CLVS1: variants seen among roughly 807,000 people sequenced by gnomAD.
CLVS1 encodes clavesin-1.
In CLVS1, 10 loss-of-function variants were observed where a neutral mutation model predicts 33.1. The observed-to-expected ratio is 0.30, with a 90% CI of 0.19 to 0.51. The LOEUF (loss-of-function observed/expected upper bound fraction) is 0.51. CLVS1 is among the 20% of genes least tolerant of loss of function. CLVS1 has a pLI of 0.97. For missense variants in CLVS1, 343 were observed against 433.4 expected (o/e 0.79, Z 1.85); for synonymous variants, 163 against 166.1 (o/e 0.98, Z 0.14).
intron 3 of CLVS1, among the ~76,000 whole-genome samples, chr8:61,416,951 T>G (rs570987680): frequency 2.6e-5 from 4 of 152,322 alleles, no homozygotes; most frequent in Admixed American, 6.5e-5. Context: ...AGCGTGAAGT[T>G]GATTCTTAAG....
intron 1 of CLVS1, among the ~76,000 whole-genome samples, chr8:61,098,402 GATAT>G (rs59671943): frequency 0.28 from 40,757 of 143,860 alleles, 6,292 homozygotes; most frequent in Middle Eastern, 0.45. Flanking sequence ...TAGGGAAACT[GATAT>G]ATATATATAT....
chr8:61,483,011 C>G (rs950131383), intron 5 of CLVS1, among the ~76,000 whole-genome samples: 1 of 152,092 alleles, frequency 6.6e-6, no homozygotes, highest in Non-Finnish European at 1.5e-5. Context: ...AATTGACATC[C>G]TAACATCACA....
chr8:61,316,657 C>A (rs765109037), intron 2 of CLVS1, among the ~76,000 whole-genome samples: 1 of 152,140 alleles, frequency 6.6e-6, no homozygotes, highest in Non-Finnish European at 1.5e-5. Flanking sequence ...TAGATGGAAC[C>A]ACAGTTTACA....
At chr8:61,384,867 G>GAATGGGGAGATCGGGAC (rs1351480541) in intron 3 of CLVS1, among the ~76,000 whole-genome samples, 3 of 152,130 alleles carry the variant, frequency 2.0e-5, no homozygotes, top group African/African-American at 4.8e-5. Flanking sequence ...AGAAGCTGGA[G>GAATGGGGAGATCGGGAC]AATGGGGAGA....
At chr8:61,052,789 T>C (rs1245312358), upstream of CLVS1, among the ~76,000 whole-genome samples, 2 of 152,132 alleles carry the variant, frequency 1.3e-5, no homozygotes, top group Non-Finnish European at 2.9e-5. Flanking sequence ...CTTCAGGGCT[T>C]TGACAAGAGG....
At chr8:61,059,499 T>TATATATGTATATATATATAC (rs1265187479) in intron 1 of CLVS1, among the ~76,000 whole-genome samples, 1 of 96,352 alleles carries the variant, frequency 1.0e-5, no homozygotes, top group Non-Finnish European at 2.0e-5. Flanking sequence ...TATATATATA[T>TATATATGTATATATATATAC]ACACATATCT....
intron 2 of CLVS1, among the ~76,000 whole-genome samples, chr8:61,200,824 A>AT (rs1278841077): frequency 1.3e-5 from 2 of 152,054 alleles, no homozygotes; most frequent in African/African-American, 4.8e-5. Flanking sequence ...GTGAATCTGA[A>AT]TTTTTTGGTT....
chr8:61,157,389 C>G lies in CLVS1; in HGVS notation c.-152+25529C>G, dbSNP rs550832931. On this transcript the variant is annotated intron_variant, in intron 2 of 2. Transcript: ENST00000522621. Reference sequence around the variant, plus strand: ...TTATCTAGCCATACACAAGAATCAACTGAAGATGAATCACAGACCTAAATA... The same window carrying G: ...TTATCTAGCCATACACAAGAATCAAGTGAAGATGAATCACAGACCTAAATA... Among the ~76,000 whole-genome samples the G allele has an allele frequency of 5.3e-4, 81 of 152,212 alleles. 1 individual carries two copies. The highest frequency in any genetic ancestry group is 2.9e-3 in the South Asian group (14 of 4,824).
At chr8:61,390,002 AAATGGAAG>A (rs1814240146) in intron 3 of CLVS1, among the ~76,000 whole-genome samples, 1 of 152,192 alleles carries the variant, frequency 6.6e-6, no homozygotes, top group Non-Finnish European at 1.5e-5. Flanking sequence ...AGATTTCCCA[AAATGGAAG>A]AATAATACAT....
intron 2 of CLVS1, among the ~76,000 whole-genome samples, chr8:61,267,281 T>A (rs866695693): frequency 9.9e-5 from 15 of 151,928 alleles, no homozygotes; most frequent in Admixed American, 3.9e-4. Flanking sequence ...ATTATTATTA[T>A]TTTTTAAGTT....
intron 2 of CLVS1, among the ~76,000 whole-genome samples, chr8:61,189,758 G>C (rs1451820630): frequency 6.6e-6 from 1 of 152,114 alleles, no homozygotes; most frequent in Non-Finnish European, 1.5e-5. Context: ...AATCAACAAA[G>C]ATCAAAAGAG....
the CLVS1 span, among the ~76,000 whole-genome samples, chr8:61,051,619 G>A: frequency 7.2e-3 from 1,104 of 152,370 alleles, 5 homozygotes; most frequent in South Asian, 0.017. Flanking sequence ...CCCCACATCC[G>A]CAAAGAGCTC....
At chr8:61,324,301 C>A (rs1811299393) in intron 2 of CLVS1, among the ~76,000 whole-genome samples, 1 of 151,974 alleles carries the variant, frequency 6.6e-6, no homozygotes, top group Non-Finnish European at 1.5e-5. Flanking sequence ...GTGAATAAGT[C>A]TCATGAGATT....
chr8:61,194,366 G>A (rs1807559390), intron 2 of CLVS1, among the ~76,000 whole-genome samples: 1 of 149,250 alleles, frequency 6.7e-6, no homozygotes, highest in Admixed American at 6.6e-5. Context: ...AGAAATGTAT[G>A]TTAGCCAAAT....
chr8:61,270,195 C>A (rs556766575), intron 2 of CLVS1, among the ~76,000 whole-genome samples: 1 of 152,216 alleles, frequency 6.6e-6, no homozygotes, highest in South Asian at 2.1e-4. Context: ...CCCATCAGTA[C>A]CTAATTTATT....
intron 5 of CLVS1, among the ~76,000 whole-genome samples, chr8:61,497,511 C>T (rs1196825456): frequency 4.0e-5 from 6 of 151,432 alleles, no homozygotes; most frequent in Non-Finnish European, 8.8e-5. Context: ...CAGTCCTCAG[C>T]CTTCCACCAT....
upstream of CLVS1, among the ~76,000 whole-genome samples, chr8:61,283,851 T>C (rs1244588395): frequency 6.6e-6 from 1 of 151,898 alleles, no homozygotes; most frequent in African/African-American, 2.4e-5. Context: ...CAACACATGG[T>C]TAGGAAGCTG....
chr8:60,970,562 A>G, the CLVS1 span, among the ~76,000 whole-genome samples: 1 of 152,248 alleles, frequency 6.6e-6, no homozygotes, highest in Non-Finnish European at 1.5e-5. Flanking sequence ...AGGTGAGTCC[A>G]GGATGCAAAT....
intron 2 of CLVS1, among the ~76,000 whole-genome samples, chr8:61,362,717 A>G (rs969437692): frequency 6.6e-6 from 1 of 152,206 alleles, no homozygotes; most frequent in African/African-American, 2.4e-5. Context: ...AATTACAAAG[A>G]TTCCTGTTAG....
Sources: allele counts gnomAD v4.1 joint callset (sites outside exome capture counted in the v4.1 genomes callset), GRCh38; gene constraint gnomAD v4.1.1; transcripts MANE v1.5; gene names NCBI Gene and HGNC (gene_info 2026-07-23, HGNC 2026-07-21).